Variants in ARHGAP22 observed in about 807,000 individuals in gnomAD.
The protein encoded by ARHGAP22 is rho GTPase-activating protein 22.
A neutral mutation model predicts 59.1 loss-of-function variants in ARHGAP22; 48 were observed. The ratio of observed to expected loss-of-function variants is 0.81; its 90% CI spans 0.64 to 1.03. ARHGAP22 has a LOEUF of 1.03. Ranked by LOEUF, ARHGAP22 falls within the 50% of genes least tolerant of loss-of-function variation. The pLI, the probability that ARHGAP22 is intolerant of heterozygous loss-of-function variation, is 0.00. For missense variants in ARHGAP22, 1,015 were observed against 958.7 expected (o/e 1.06, Z -0.78); for synonymous variants, 445 against 416.4 (o/e 1.07, Z -0.84).
chr10:48,464,685 C>T (rs1038800213), intron 4 of ARHGAP22, among the ~76,000 whole-genome samples: 45 of 152,212 alleles, frequency 3.0e-4, no homozygotes, highest in Non-Finnish European at 4.4e-5. Flanking sequence ...TCTGGGTCTG[C>T]ACCAGCACTG....
chr10:48,453,186 G>T, intron 8 of ARHGAP22, 118 bp downstream of exon 8: 2 of 1,442,632 alleles, frequency 1.4e-6, no homozygotes, highest in Non-Finnish European at 1.9e-6. Context: ...TGTGCCACCT[G>T]AGCCACCCCT....
intron 1 of ARHGAP22, among the ~76,000 whole-genome samples, chr10:48,628,140 C>T (rs968023296): frequency 2.0e-5 from 3 of 152,194 alleles, no homozygotes; most frequent in Non-Finnish European, 4.4e-5. Flanking sequence ...GACTGGCCAC[C>T]CTCTGTTCAG....
At chr10:48,620,756 C>T (rs910191968) in intron 1 of ARHGAP22, among the ~76,000 whole-genome samples, 11 of 152,282 alleles carry the variant, frequency 7.2e-5, no homozygotes, top group African/African-American at 2.4e-4. Flanking sequence ...ACATAGGGTG[C>T]AGAGTAGGGA....
chr10:48,447,524 A>G (rs77360615), intron 9 of ARHGAP22, among the ~76,000 whole-genome samples: 14,160 of 152,212 alleles, frequency 0.093, 1,058 homozygotes, highest in Admixed American at 0.22. Flanking sequence ...CAACCCACCA[A>G]AACGAAGCCT....
chr10:48,521,505 G>T (rs1213445135), intron 3 of ARHGAP22, among the ~76,000 whole-genome samples: 1 of 152,236 alleles, frequency 6.6e-6, no homozygotes, highest in African/African-American at 2.4e-5. Context: ...ATGTTCTGTT[G>T]TAAGAGTTTG....
At chr10:48,619,782 G>A (rs2061218732) in intron 1 of ARHGAP22, among the ~76,000 whole-genome samples, 3 of 152,276 alleles carry the variant, frequency 2.0e-5, no homozygotes, top group African/African-American at 7.2e-5. Flanking sequence ...CAGGACATTG[G>A]TCTGAGCAAA....
At chr10:48,540,627 A>G (rs1330744855) in intron 3 of ARHGAP22, among the ~76,000 whole-genome samples, 15 of 152,252 alleles carry the variant, frequency 9.9e-5, no homozygotes, top group African/African-American at 3.6e-4. Context: ...CATTGAAAAT[A>G]TTGCATGAGC....
chr10:48,438,547 G>T, the ARHGAP22 span: 1 of 152,158 alleles, frequency 6.6e-6, no homozygotes, highest in African/African-American at 2.4e-5. Flanking sequence ...TGAAACTTTT[G>T]AGAAATATTA....
chr10:48,483,085 T>G (rs2049487460), intron 3 of ARHGAP22, among the ~76,000 whole-genome samples: 1 of 152,144 alleles, frequency 6.6e-6, no homozygotes, highest in African/African-American at 2.4e-5. Flanking sequence ...GTTCCATTCA[T>G]TGCTGCAAAT....
intron 1 of ARHGAP22, among the ~76,000 whole-genome samples, chr10:48,611,760 G>A (rs368974593): frequency 2.0e-5 from 3 of 149,378 alleles, no homozygotes; most frequent in Non-Finnish European, 3.0e-5. Context: ...CCACACCCTC[G>A]ATCCCTCCTG....
intron 3 of ARHGAP22, among the ~76,000 whole-genome samples, chr10:48,513,022 T>A (rs1217638726): frequency 6.6e-6 from 1 of 152,204 alleles, no homozygotes; most frequent in Non-Finnish European, 1.5e-5. Flanking sequence ...TTACAGAACA[T>A]TGCTTTTTCT....
chr10:48,612,076 C>T (rs1366536869), intron 1 of ARHGAP22, among the ~76,000 whole-genome samples: 3 of 151,410 alleles, frequency 2.0e-5, no homozygotes, highest in East Asian at 3.9e-4. Context: ...CTGCCTTGGC[C>T]TCCCAAAGTG....
In ARHGAP22 at chr10:48,455,074, C is replaced by G; in HGVS notation, c.720G>C (p.Glu240Asp). 1 of 1,612,400 alleles carries G rather than the reference C, an allele frequency of 6.2e-7. No homozygotes were observed. Among genetic ancestry groups the G allele is most frequent in the South Asian group, 1.1e-5 (1 of 90,962 alleles). Reference sequence around the variant, plus strand: ...CGTACCTGGCGAAGGGGACCACGGGCTCGGGGAGCTCCCGCAGGTACAGCT... The same window carrying G: ...CGTACCTGGCGAAGGGGACCACGGGGTCGGGGAGCTCCCGCAGGTACAGCT... Reference protein sequence around the residue: ...LLKLYLRELPEPVVPFARYED... With the variant: ...LLKLYLRELPDPVVPFARYED... Residue 240 changes from glutamate to aspartate, a missense_variant, in exon 6 of 10, where the codon GAG (glutamate) becomes GAC (aspartate). Physicochemically the swap from Glu to Asp is conservative, Grantham distance 45. Transcript: ENST00000249601.
chr10:48,608,065 T>C (rs1384125376), upstream of ARHGAP22, among the ~76,000 whole-genome samples: 2 of 152,160 alleles, frequency 1.3e-5, no homozygotes, highest in African/African-American at 2.4e-5. Context: ...TAGTCTGCAG[T>C]GTTTATTGTC....
chr10:48,577,800 GGTTTTTTTTT>G (rs2058826811), intron 2 of ARHGAP22, among the ~76,000 whole-genome samples: 1 of 41,962 alleles, frequency 2.4e-5, no homozygotes, highest in African/African-American at 1.3e-4. Flanking sequence ...GCTCTTTTTT[GGTTTTTTTTT>G]TTTTTTTTTT....
intron 3 of ARHGAP22, among the ~76,000 whole-genome samples, chr10:48,547,983 A>G (rs1406342208): frequency 6.6e-6 from 1 of 152,138 alleles, no homozygotes; most frequent in Non-Finnish European, 1.5e-5. Context: ...CCTTGCCCCC[A>G]CTAGGCGAAG....
chr10:48,500,174 T>C (rs1424521069), intron 3 of ARHGAP22, among the ~76,000 whole-genome samples: 1 of 152,082 alleles, frequency 6.6e-6, no homozygotes, highest in Admixed American at 6.5e-5. Flanking sequence ...CCCACCTCTG[T>C]AGACAATAAT....
chr10:48,485,260 G>T (rs1208159749), intron 3 of ARHGAP22, among the ~76,000 whole-genome samples: 2 of 152,002 alleles, frequency 1.3e-5, no homozygotes, highest in African/African-American at 2.4e-5. Context: ...AATTGTCCCT[G>T]AACTACTACT....
Position 48,643,073 on chromosome 10 carries a change from A to T in ARHGAP22, c.52+9161T>A, listed in dbSNP as rs1203594435. Among the ~76,000 whole-genome samples, 6 of 152,218 alleles carry T rather than the reference A, an allele frequency of 3.9e-5. No homozygotes were observed. The South Asian group carries it at 1.0e-3, about 26-fold the overall frequency. On this transcript the variant is annotated intron_variant, in intron 1 of 9. Transcript: ENST00000435790. ...CACACCAGTTAGAATGGCAATCATTAAAAAGTCAAGAAACAACAGGTGCTG... is the reference window on the plus strand; with the variant it reads ...CACACCAGTTAGAATGGCAATCATTTAAAAGTCAAGAAACAACAGGTGCTG...
Sources: allele counts gnomAD v4.1 joint callset (sites outside exome capture counted in the v4.1 genomes callset), GRCh38; gene constraint gnomAD v4.1.1; transcripts MANE v1.5; gene names NCBI Gene and HGNC (gene_info 2026-07-23, HGNC 2026-07-21).